Variants in LRP1B observed in about 807,000 individuals in gnomAD.
LRP1B encodes the protein LDL receptor related protein 1B, also known as low-density lipoprotein receptor-related protein 1B.
LRP1B carries 217 observed loss-of-function variants against 556.6 expected under a neutral mutation model. The ratio of observed to expected loss-of-function variants is 0.39; its 90% CI spans 0.35 to 0.44. The LOEUF is 0.44. Ranked by LOEUF, LRP1B falls within the 20% of genes least tolerant of loss-of-function variation. The pLI, the probability that LRP1B is intolerant of heterozygous loss-of-function variation, is 1.00. For synonymous variants in LRP1B, 2,047 were observed against 1,865.8 expected, an observed-to-expected ratio of 1.10 and a Z score of -2.50; for missense variants, 5,053 against 5,620.8, an observed-to-expected ratio of 0.90 and a Z score of 3.23.
intron 5 of LRP1B, among the ~76,000 whole-genome samples, chr2:141,239,739 T>G (rs1683792187): frequency 6.6e-6 from 1 of 152,052 alleles, no homozygotes; most frequent in South Asian, 2.1e-4. Flanking sequence ...TGCTTCTATT[T>G]TCTCAAGGAA....
intron 35 of LRP1B, among the ~76,000 whole-genome samples, chr2:140,734,632 T>C (rs533489684): frequency 6.6e-6 from 1 of 152,172 alleles, no homozygotes; most frequent in South Asian, 2.1e-4. Context: ...TACTGAATAT[T>C]AGCCTCTATG....
intron 7 of LRP1B, among the ~76,000 whole-genome samples, chr2:141,067,596 G>A (rs1312131060): frequency 2.6e-5 from 4 of 151,946 alleles, no homozygotes; most frequent in Admixed American, 6.6e-5. Context: ...TGGCTGACTC[G>A]TTGAACGTCC....
intron 42 of LRP1B, 104 bp downstream of exon 42, chr2:140,601,346 A>T: frequency 9.7e-7 from 1 of 1,035,412 alleles, no homozygotes; most frequent in Non-Finnish European, 1.3e-6. Context: ...ATAAAACTTC[A>T]AATAAAAACT....
rs1356749792 is a variant in LRP1B, at chr2:140,701,862, C to G, written c.6303-17G>C. 1 of 1,612,284 alleles carries G rather than the reference C, an allele frequency of 6.2e-7. No individual in the cohort carries two copies. The highest frequency in any genetic ancestry group is 1.7e-5 in the Admixed American group (1 of 59,744). On this transcript the variant is annotated splice_polypyrimidine_tract_variant and intron_variant, in intron 39 of 90. Coordinates refer to ENST00000389484, the MANE Select transcript of LRP1B (RefSeq NM_018557.3). ...GCATGTGCTCTGCCAAAAAGTTGAACATACATGATCAACAATCTTCGACTA... is the reference window on the plus strand; with the variant it reads ...GCATGTGCTCTGCCAAAAAGTTGAAGATACATGATCAACAATCTTCGACTA...
At chr2:141,078,730 T>G (rs1337451205) in intron 7 of LRP1B, among the ~76,000 whole-genome samples, 1 of 152,204 alleles carries the variant, frequency 6.6e-6, no homozygotes, top group Admixed American at 6.5e-5. Flanking sequence ...AGGCTGCTTT[T>G]AAGTATTATA....
chr2:141,076,036 C>T (rs902019750), intron 7 of LRP1B, among the ~76,000 whole-genome samples: 3 of 152,200 alleles, frequency 2.0e-5, no homozygotes, highest in Non-Finnish European at 4.4e-5. Flanking sequence ...TCAGTGCTCA[C>T]TGTCCTTGCT....
intron 1 of LRP1B, among the ~76,000 whole-genome samples, chr2:141,816,537 C>T (rs1411816277): frequency 2.6e-5 from 4 of 152,184 alleles, no homozygotes; most frequent in Non-Finnish European, 4.4e-5. Flanking sequence ...AGACGAAAGG[C>T]TACACTATCA....
chr2:141,311,668 G>T (rs928459203), intron 3 of LRP1B, among the ~76,000 whole-genome samples: 3 of 152,182 alleles, frequency 2.0e-5, no homozygotes, highest in Non-Finnish European at 4.4e-5. Context: ...AGAGATCTGA[G>T]TTGACAGGCA....
chr2:140,778,555 A>G (rs973931024), intron 32 of LRP1B, among the ~76,000 whole-genome samples: 2 of 152,146 alleles, frequency 1.3e-5, no homozygotes, highest in Non-Finnish European at 2.9e-5. Context: ...TGAAAGAAGC[A>G]ATGTTTTTCA....
At chr2:140,446,613 T>C (rs1040689064) in intron 63 of LRP1B, among the ~76,000 whole-genome samples, 2 of 152,122 alleles carry the variant, frequency 1.3e-5, no homozygotes, top group Non-Finnish European at 2.9e-5. Flanking sequence ...AAAGTGTCAT[T>C]CCTACAGATA....
At chr2:141,518,274 G>C (rs560770505) in intron 2 of LRP1B, among the ~76,000 whole-genome samples, 1 of 152,230 alleles carries the variant, frequency 6.6e-6, no homozygotes, top group African/African-American at 2.4e-5. Flanking sequence ...GGGAGTTTGT[G>C]CTAATGTTCA....
At chr2:140,796,447 T>A (rs144706506) in intron 32 of LRP1B, among the ~76,000 whole-genome samples, 2 of 152,184 alleles carry the variant, frequency 1.3e-5, no homozygotes, top group East Asian at 3.9e-4. Flanking sequence ...TCACATATAG[T>A]CCTTTGGAGA....
intron 11 of LRP1B, among the ~76,000 whole-genome samples, chr2:141,046,413 G>C (rs903295720): frequency 3.3e-5 from 5 of 152,048 alleles, no homozygotes; most frequent in Non-Finnish European, 7.4e-5. Context: ...TCTCTGCTTT[G>C]ACACGTTAAT....
In LRP1B at chr2:141,222,131, A is replaced by G. The variant is rs190899742; in HGVS notation, c.850+7052T>C. ...AAAACCCTTGGGGGCAAAAATCAAT[A>G]AAATAGATAGCTAACTAGACTAATA... On this transcript the variant is annotated intron_variant, in intron 6 of 90. Coordinates refer to ENST00000389484, the MANE Select transcript of LRP1B (RefSeq NM_018557.3). 1.3e-5 allele frequency among the ~76,000 whole-genome samples: 2 copies of G among 151,444 alleles called. 1 individual carries two copies. Among genetic ancestry groups the G allele is most frequent in the Admixed American group, 1.3e-4 (2 of 15,182 alleles).
intron 1 of LRP1B, among the ~76,000 whole-genome samples, chr2:141,846,634 G>A (rs928596334): frequency 2.6e-5 from 4 of 151,072 alleles, no homozygotes; most frequent in African/African-American, 4.8e-5. Context: ...ATCCAATAGC[G>A]TTTTAAAACC....
intron 15 of LRP1B, among the ~76,000 whole-genome samples, chr2:140,999,664 C>T (rs182840961): frequency 3.3e-5 from 5 of 152,134 alleles, no homozygotes; most frequent in Admixed American, 1.3e-4. Flanking sequence ...AATCATTTCA[C>T]GTGCTACTGA....
Position 140,601,462 on chromosome 2 carries a change from T to C in LRP1B, c.6977A>G (p.Asp2326Gly), listed in dbSNP as rs1476812382. 3 of 1,610,722 alleles carry C rather than the reference T, an allele frequency of 1.9e-6. No homozygotes were observed. The African/African-American group carries it at 4.0e-5, about 22-fold the overall frequency. Residue 2326 changes from aspartate (D) to glycine (G), a missense_variant, in exon 42 of 91, where the codon GAT (aspartate) becomes GGT (glycine). Coordinates refer to ENST00000389484, the MANE Select transcript of LRP1B (RefSeq NM_018557.3). ...CACTGTTTCTTACTTTTGACATTCA[T>C]CCAAGGCTAGCACATGTGGATGGTC... ...EDDHPHVLAL[D>G]ECQNLMFWTN...
At chr2:142,115,608 T>A (rs1348879964) in intron 1 of LRP1B, among the ~76,000 whole-genome samples, 1 of 47,452 alleles carries the variant, frequency 2.1e-5, no homozygotes, top group Non-Finnish European at 3.8e-5. Flanking sequence ...ATGTAATATA[T>A]ATTATATATA....
chr2:142,084,389 T>C (rs1489200673), intron 1 of LRP1B, among the ~76,000 whole-genome samples: 1 of 152,208 alleles, frequency 6.6e-6, no homozygotes, highest in East Asian at 1.9e-4. Context: ...TGACATTCTT[T>C]AGACTTTCAT....
Sources: gnomAD v4.1 joint callset for allele counts (sites outside exome capture counted in the v4.1 genomes callset) on GRCh38, gnomAD v4.1.1 for gene constraint, MANE v1.5 for transcripts, NCBI Gene and HGNC (gene_info 2026-07-23, HGNC 2026-07-21) for gene names.